The following CENPQ variants were observed in gnomAD, a reference collection of about 807,000 sequenced individuals.
The protein encoded by CENPQ is centromere protein Q.
CENPQ carries 27 observed loss-of-function variants against 36.6 expected under a neutral mutation model. The observed-to-expected ratio is 0.74, with a 90% confidence interval of 0.54 to 1.02. The LOEUF is 1.02. Ranked by LOEUF, CENPQ falls within the 50% of genes least tolerant of loss-of-function variation. The pLI, the probability that CENPQ is intolerant of heterozygous loss-of-function variation, is 0.00. For missense variants in CENPQ, 306 were observed against 301.8 expected, an observed-to-expected ratio of 1.01 and a Z score of -0.10; for synonymous variants, 101 against 101.7, an observed-to-expected ratio of 0.99 and a Z score of 0.04.
chr6:49,473,775 T>A (rs1256335327), intron 5 of CENPQ, among the ~76,000 whole-genome samples: 1 of 152,024 alleles, frequency 6.6e-6, no homozygotes, highest in Admixed American at 6.6e-5. Flanking sequence ...AGGAGACCCA[T>A]CTCATGTGCA....
Position 49,492,396 on chromosome 6 carries a change from T to C in CENPQ, c.*121T>C. On this transcript the variant is annotated 3_prime_UTR_variant, in exon 9 of 9. Transcript: ENST00000335783. ...CTGCAGGATTTATTATCTCCTGATA[T>C]GCACTTTAAAATTAGTCTTTGTAGT... 5 of 841,446 alleles carry C rather than the reference T, an allele frequency of 5.9e-6. No individual in the cohort carries two copies. Among genetic ancestry groups the C allele is most frequent in the South Asian group, 4.4e-5 (2 of 45,210 alleles). 52.1% of individuals were successfully genotyped at this position (841,446 alleles called of 1,614,324 possible).
chr6:49,467,888 C>CCTG (rs1446589722), intron 1 of CENPQ, among the ~76,000 whole-genome samples: 1 of 151,964 alleles, frequency 6.6e-6, no homozygotes, highest in Non-Finnish European at 1.5e-5. Context: ...GTAGAAGGTA[C>CCTG]AGTGTATGTT....
intron 1 of CENPQ, among the ~76,000 whole-genome samples, chr6:49,466,866 G>A (rs1194781117): frequency 6.6e-6 from 1 of 152,098 alleles, no homozygotes; most frequent in Non-Finnish European, 1.5e-5. Flanking sequence ...TAATTAAGTG[G>A]CAGGGCTAGA....
At chr6:49,482,684 G>A (rs111905277) in intron 6 of CENPQ, among the ~76,000 whole-genome samples, 170 of 152,186 alleles carry the variant, frequency 1.1e-3, no homozygotes, top group African/African-American at 3.9e-3. Flanking sequence ...CTCACCGCTC[G>A]GCGATTGTCT....
At chr6:49,475,115 C>T (rs568492429) in intron 5 of CENPQ, among the ~76,000 whole-genome samples, 3 of 152,140 alleles carry the variant, frequency 2.0e-5, no homozygotes, top group East Asian at 3.9e-4. Context: ...TGAAACTATT[C>T]CAATCAATAG....
At chr6:49,484,079 A>C (rs1299471540) in intron 6 of CENPQ, among the ~76,000 whole-genome samples, 1 of 152,218 alleles carries the variant, frequency 6.6e-6, no homozygotes, top group East Asian at 1.9e-4. Flanking sequence ...TGGAATTTTA[A>C]AACGTGGAAA....
At chr6:49,466,102 G>A (rs1210871792) in intron 1 of CENPQ, among the ~76,000 whole-genome samples, 1 of 152,180 alleles carries the variant, frequency 6.6e-6, no homozygotes, top group Non-Finnish European at 1.5e-5. Flanking sequence ...TTGTGTCTCA[G>A]GGAATAGGGA....
chr6:49,478,037 A>G (rs1768344632), intron 5 of CENPQ, among the ~76,000 whole-genome samples: 1 of 152,198 alleles, frequency 6.6e-6, no homozygotes, highest in South Asian at 2.1e-4. Flanking sequence ...TGTAACAGCT[A>G]TGGAGTACAT....
At chr6:49,473,817 G>C (rs964831569) in intron 5 of CENPQ, among the ~76,000 whole-genome samples, 6 of 152,116 alleles carry the variant, frequency 3.9e-5, no homozygotes, top group Admixed American at 3.9e-4. Flanking sequence ...TACAGGGATG[G>C]AGAAAGATCT....
At chr6:49,482,007 G>T (rs183349001) in intron 6 of CENPQ, among the ~76,000 whole-genome samples, 3 of 152,158 alleles carry the variant, frequency 2.0e-5, no homozygotes, top group African/African-American at 7.2e-5. Context: ...ATTGAGCGCA[G>T]GGCCGGTGGG....
chr6:49,470,821 C>T lies in CENPQ; in HGVS notation c.103-153C>T, dbSNP rs1054779412. Among the ~76,000 whole-genome samples, 22 of 152,016 alleles carry T rather than the reference C, an allele frequency of 1.4e-4. No homozygotes were observed. In the South Asian group the frequency reaches 1.5e-3, roughly 10 times the overall value. ...TGTCCTCTCTGTGATAAATATACAC[C>T]ATTTTTCTTTAGAAGTAGCAACATA... On this transcript the variant is annotated intron_variant, in intron 2 of 8. Transcript: ENST00000335783.
At position 49,480,944 on chromosome 6, in the gene CENPQ, C is replaced by A; in HGVS notation, c.348-7C>A. The A allele has an allele frequency of 6.4e-7, 1 of 1,563,378 alleles. No homozygotes were observed. Among genetic ancestry groups the A allele is most frequent in the Non-Finnish European group, 8.6e-7 (1 of 1,156,248 alleles). On this transcript the variant is annotated splice_polypyrimidine_tract_variant and splice_region_variant and intron_variant, in intron 5 of 8. Transcript: ENST00000335783. ...AACAAAATAATTGTTTTTATTTTAT[C>A]CTTAAGATTGCTACAACAGTGTGAA...
At chr6:49,488,886 A>G (rs1376845976) in intron 8 of CENPQ, among the ~76,000 whole-genome samples, 2 of 149,408 alleles carry the variant, frequency 1.3e-5, no homozygotes, top group East Asian at 3.9e-4. Context: ...TTTTTTTTTT[A>G]AAGGGACATA....
intron 5 of CENPQ, among the ~76,000 whole-genome samples, chr6:49,476,602 A>C (rs1177602613): frequency 8.5e-5 from 13 of 152,248 alleles, no homozygotes; most frequent in Non-Finnish European, 4.4e-5. Context: ...GAGCTTCTGC[A>C]CATCAAAAGA....
chr6:49,473,893 A>C (rs1180449614), intron 5 of CENPQ, among the ~76,000 whole-genome samples: 2 of 152,212 alleles, frequency 1.3e-5, no homozygotes, highest in Non-Finnish European at 2.9e-5. Context: ...AACAGACTTT[A>C]AACCAACAAA....
chr6:49,472,297 T>G (rs1267027466), intron 4 of CENPQ, 114 bp downstream of exon 4: 10 of 852,522 alleles, frequency 1.2e-5, no homozygotes. Context: ...ATATTTCTAT[T>G]TCGGAAGCAG....
rs1367532298 is a variant in CENPQ at position 49,470,394 on chromosome 6, G to A, written c.102+116G>A. The stretch of plus-strand genomic sequence containing the variant: ...CGAGGTGGGTGGATCACGAGGTCAG[G>A]AGATCGAAACCATCCTGGCTAACAT... On this transcript the variant is annotated intron_variant, in intron 2 of 8. Transcript: ENST00000335783. The A allele has an allele frequency of 1.5e-5, 8 of 542,480 alleles. 1 individual carries two copies. The South Asian group carries it at 2.0e-4, about 14-fold the overall frequency. The allele number at this position is 542,480 out of a possible 1,614,324, so 33.6% of individuals were successfully genotyped here.
chr6:49,474,105 C>A (rs1561965944), intron 5 of CENPQ, among the ~76,000 whole-genome samples: 1 of 152,002 alleles, frequency 6.6e-6, no homozygotes, highest in Non-Finnish European at 1.5e-5. Flanking sequence ...ACTAGACAGA[C>A]CAATGAGACA....
Position 49,488,279 on chromosome 6 carries a change from A to G in CENPQ, c.478-73A>G, listed in dbSNP as rs1768636028. The G allele has an allele frequency of 8.4e-6, 10 of 1,185,684 alleles. No individual in the cohort carries two copies. The Middle Eastern group carries it at 8.9e-4, about 106-fold the overall frequency. The allele number at this position is 1,185,684 out of a possible 1,614,324, so 73.4% of individuals were successfully genotyped here. A position where few individuals can be genotyped will look rare whatever the true frequency, so the allele number is the denominator to read the frequency against. On this transcript the variant is annotated intron_variant, in intron 6 of 8. Transcript: ENST00000335783. The stretch of plus-strand genomic sequence containing the variant: ...TGGTGTTTTTTTAAAATGTGTATGT[A>G]TAACAATATCTATTAGGATTTAATA...
Sources: gnomAD v4.1 joint callset for allele counts (sites outside exome capture counted in the v4.1 genomes callset) on GRCh38, gnomAD v4.1.1 for gene constraint, MANE v1.5 for transcripts, NCBI Gene and HGNC (gene_info 2026-07-23, HGNC 2026-07-21) for gene names.